ACR: variants seen among roughly 807,000 people sequenced by gnomAD.
The protein encoded by ACR is acrosin light and heavy chain prepropeptide.
In ACR, 17 loss-of-function variants were observed where a neutral mutation model predicts 26.0. The ratio of observed to expected loss-of-function variants is 0.65; its 90% CI spans 0.45 to 0.98. The LOEUF (loss-of-function observed/expected upper bound fraction) is 0.98, where lower values mean the gene tolerates loss of function less well. ACR is among the 50% of genes least tolerant of loss of function. The pLI is 0.00. For synonymous variants in ACR, 199 were observed against 207.7 expected, an observed-to-expected ratio of 0.96 and a Z score of 0.36; for missense variants, 435 against 519.3, an observed-to-expected ratio of 0.84 and a Z score of 1.58.
At chr22:50,743,537 C>G (rs2083436187) in intron 3 of ACR, 1 of 157,328 alleles carries the variant, frequency 6.4e-6, no homozygotes, top group Non-Finnish European at 1.4e-5. Flanking sequence ...TGAAGAGGGA[C>G]AAGAAGCAGG....
rs750430072 is a variant in ACR at position 50,739,268 on chromosome 22, C to A, written c.78-3C>A. ...TTTGAACTGTGCTCTGGTCTCTCCCCAGTGGCCCCTGTGGGTTACGGTTCA... is the reference window on the plus strand; with the variant it reads ...TTTGAACTGTGCTCTGGTCTCTCCCAAGTGGCCCCTGTGGGTTACGGTTCA... On this transcript the variant is annotated splice_polypyrimidine_tract_variant and splice_region_variant and intron_variant, in intron 1 of 4. Transcript: ENST00000216139. The surrounding 1 kb of genome is among the most constrained non-coding windows in gnomAD (Gnocchi z 5.5). 1 of 1,564,236 alleles carries A rather than the reference C, an allele frequency of 6.4e-7. No individual in the cohort carries two copies. The highest frequency in any genetic ancestry group is 1.2e-5 in the South Asian group (1 of 85,328).
intron 3 of ACR, chr22:50,740,928 A>G: frequency 3.8e-6 from 2 of 525,696 alleles, no homozygotes; most frequent in Admixed American, 3.3e-5. Flanking sequence ...GATACCATTT[A>G]TCCCAGAAGC....
chr22:50,744,699 C>G lies in ACR; in HGVS notation c.758C>G (p.Ala253Gly). The G allele has an allele frequency of 6.2e-7, 1 of 1,613,458 alleles. No homozygotes were observed. The highest frequency in any genetic ancestry group is 2.2e-5 in the East Asian group (1 of 44,858). The change falls in exon 5 of 5, where the codon GCC becomes GGC. Residue 253 changes from alanine to glycine, a missense_variant. This residue lies in a region of ACR where 314 missense variants were observed against 372.0 expected (regional missense o/e 0.84). Transcript: ENST00000216139. Reference sequence around the variant, plus strand: ...ATGTGCAAAGACAGCAAGGAAAGCGCCTATGTGGTCGTGGGAATCACAAGC... The same window carrying G: ...ATGTGCAAAGACAGCAAGGAAAGCGGCTATGTGGTCGTGGGAATCACAAGC... ...PLMCKDSKES[A>G]YVVVGITSWG... is the part of the protein sequence containing the mutation.
chr22:50,740,116 G>A (rs1197636370), intron 3 of ACR, 139 bp downstream of exon 3: 2 of 1,130,336 alleles, frequency 1.8e-6, no homozygotes, highest in Admixed American at 2.0e-5. Flanking sequence ...CCATCACTGT[G>A]GCCTTCCACA....
intron 3 of ACR, among the ~76,000 whole-genome samples, chr22:50,743,125 T>C (rs1047771702): frequency 4.6e-5 from 7 of 151,010 alleles, no homozygotes; most frequent in Non-Finnish European, 1.0e-4. Flanking sequence ...AAGCTCCGCC[T>C]CCCGGGTTCA....
rs563656371 is a variant in ACR, at chr22:50,745,003, C to G, written c.1062C>G (p.Pro354=). The change falls in exon 5 of 5, where the codon CCC becomes CCG. Residue 354 remains proline, a synonymous_variant. Transcript: ENST00000216139. ...PRPPPSPPPP[P]PPPASPLPPP... is the part of the protein sequence containing the mutation. ...CCCCACCTTCACCCCCGCCCCCACC[C>G]CCACCTCCAGCCTCACCTTTACCCC... 4.6e-6 allele frequency: 4 copies of G among 872,344 alleles called. No individual in the cohort carries two copies. In the South Asian group the frequency reaches 6.7e-5, roughly 15 times the overall value. 54.0% of individuals were successfully genotyped at this position (872,344 alleles called of 1,614,324 possible).
At chr22:50,740,485 G>A in intron 3 of ACR, 1 of 643,502 alleles carries the variant, frequency 1.6e-6, no homozygotes, top group Non-Finnish European at 2.8e-6. Flanking sequence ...GTCACCATCA[G>A]CAGCCACCTC....
Position 50,738,259 on chromosome 22 carries a change from C to T in ACR, c.24C>T (p.Ala8=). 1 of 1,614,068 alleles carries T rather than the reference C, an allele frequency of 6.2e-7. No homozygotes were observed. The highest frequency in any genetic ancestry group is 8.5e-7 in the Non-Finnish European group (1 of 1,179,944). MVEMLPT[A]ILLVLAVSVV... Reference sequence around the variant, plus strand: ...GTATGGTTGAGATGCTACCAACTGCCATTCTGCTGGTCTTGGCAGTGTCCG... The same window carrying T: ...GTATGGTTGAGATGCTACCAACTGCTATTCTGCTGGTCTTGGCAGTGTCCG... The change falls in exon 1 of 5, where the codon GCC becomes GCT. Residue 8 remains alanine (A), a synonymous_variant. Coordinates refer to ENST00000216139, the MANE Select transcript of ACR (RefSeq NM_001097.3).
intron 3 of ACR, among the ~76,000 whole-genome samples, chr22:50,743,180 C>T (rs13058575): frequency 0.018 from 2,653 of 149,840 alleles, 66 homozygotes; most frequent in African/African-American, 0.063. Flanking sequence ...GGACTACAGG[C>T]GCCCGCCACC....
chr22:50,743,559 A>T (rs187441595), intron 3 of ACR: 891 of 158,222 alleles, frequency 5.6e-3, no homozygotes, highest in Non-Finnish European at 9.1e-3. Context: ...GGAGTGGCTT[A>T]CAGCCAGACT....
In ACR at chr22:50,744,757, C is replaced by T. The variant is rs779986070; in HGVS notation, c.816C>T (p.Pro272=). 85 of 1,612,538 alleles carry T rather than the reference C, an allele frequency of 5.3e-5. No individual in the cohort carries two copies. The highest frequency in any genetic ancestry group is 1.9e-4 in the South Asian group (17 of 90,944). The part of the protein sequence containing the change: ...WGVGCARAKR[P]GIYTATWPYL... ...TAGGCTGTGCCCGTGCCAAGCGCCCCGGAATCTACACGGCCACCTGGCCCT... is the reference window on the plus strand; with the variant it reads ...TAGGCTGTGCCCGTGCCAAGCGCCCTGGAATCTACACGGCCACCTGGCCCT... The change falls in exon 5 of 5, where the codon CCC becomes CCT. Residue 272 remains proline (P), a synonymous_variant. Transcript: ENST00000216139.
At chr22:50,742,054 T>A (rs1218254811) in intron 3 of ACR, among the ~76,000 whole-genome samples, 2 of 151,986 alleles carry the variant, frequency 1.3e-5, no homozygotes, top group South Asian at 4.2e-4. Flanking sequence ...GAGAATCACT[T>A]GAACCCGGGA....
At chr22:50,742,455 A>G (rs1320498057) in intron 3 of ACR, among the ~76,000 whole-genome samples, 1 of 151,504 alleles carries the variant, frequency 6.6e-6, no homozygotes, top group Non-Finnish European at 1.5e-5. Context: ...GAGGCAGGAG[A>G]ATGGCGTGAA....
At chr22:50,738,372 C>T in intron 1 of ACR, 60 bp downstream of exon 1, 2 of 1,526,264 alleles carry the variant, frequency 1.3e-6, no homozygotes, top group Admixed American at 1.8e-5. Context: ...ACCACCCCGA[C>T]TCCCTCTGTC....
At chr22:50,740,550 C>T in intron 3 of ACR, 2 of 701,378 alleles carry the variant, frequency 2.9e-6, no homozygotes, top group East Asian at 5.4e-5. Context: ...TTGACATTTG[C>T]TCTGTAGACT....
intron 3 of ACR, among the ~76,000 whole-genome samples, chr22:50,741,185 CCTTT>C (rs2083423445): frequency 6.6e-6 from 1 of 152,172 alleles, no homozygotes; most frequent in Non-Finnish European, 1.5e-5. Context: ...GAGGATTCTT[CCTTT>C]AACTCTTATT....
At chr22:50,743,071 T>A (rs1157463257) in intron 3 of ACR, among the ~76,000 whole-genome samples, 3 of 151,968 alleles carry the variant, frequency 2.0e-5, no homozygotes, top group Non-Finnish European at 4.4e-5. Flanking sequence ...AGTCTCGCTC[T>A]GTGGCCCGGG....
chr22:50,742,073 T>C (rs5770999), intron 3 of ACR, among the ~76,000 whole-genome samples: 111,067 of 151,654 alleles, frequency 0.73, 41,413 homozygotes, highest in African/African-American at 0.86. Flanking sequence ...GAGGTGAAGG[T>C]TGCAGTGAGC....
At chr22:50,738,452 GC>G in intron 1 of ACR, 140 bp downstream of exon 1, 3 of 842,726 alleles carry the variant, frequency 3.6e-6, no homozygotes, top group Non-Finnish European at 3.8e-6. Context: ...GCAGCCTGGA[GC>G]CCCCAGACCC....
Sources: gnomAD v4.1 joint callset for allele counts (sites outside exome capture counted in the v4.1 genomes callset) on GRCh38, gnomAD v4.1.1 for gene constraint, gnomAD v4.1.1 regional missense constraint, Gnocchi (gnomAD v3.1) non-coding constraint, MANE v1.5 for transcripts, NCBI Gene and HGNC (gene_info 2026-07-23, HGNC 2026-07-21) for gene names.